The following COL11A1 variants were observed in gnomAD, a reference collection of about 807,000 sequenced individuals.
COL11A1 encodes collagen alpha-1(XI) chain.
Under a neutral mutation model 265.2 loss-of-function variants are expected in COL11A1, and 74 were observed. The observed-to-expected ratio is 0.28, with a 90% CI of 0.23 to 0.34. The LOEUF (loss-of-function observed/expected upper bound fraction) is 0.34, where lower values mean the gene tolerates loss of function less well. Among genes scored for constraint, COL11A1 ranks in the 10% least tolerant of loss-of-function variants. The pLI, the probability that COL11A1 is intolerant of heterozygous loss-of-function variation, is 1.00. For synonymous variants in COL11A1, 816 were observed against 727.6 expected (o/e 1.12, Z -1.96); for missense variants, 2,165 against 2,263.6 (o/e 0.96, Z 0.88).
chr1:103,054,714 C>T (rs746930359), intron 4 of COL11A1, among the ~76,000 whole-genome samples: 1 of 151,948 alleles, frequency 6.6e-6, no homozygotes, highest in Non-Finnish European at 1.5e-5. Flanking sequence ...CCAGCCTCGC[C>T]AACGTGGTAA....
intron 54 of COL11A1, among the ~76,000 whole-genome samples, chr1:102,904,622 A>C (rs1238984931): frequency 2.0e-5 from 3 of 151,968 alleles, no homozygotes; most frequent in South Asian, 2.1e-4. Context: ...ACACATGAAA[A>C]AATGCTCATC....
Position 103,028,870 on chromosome 1 carries a change from CAT to C in COL11A1, c.780+2244_780+2245del, listed in dbSNP as rs1451411481. On this transcript the variant is annotated intron_variant, in intron 5 of 66. Coordinates refer to ENST00000370096, the MANE Select transcript of COL11A1 (RefSeq NM_001854.4). ...TTTAAGAAAGAATATCAAAAGGAAT[CAT>C]ATAGATTTAACATCTAATTTTTTAT... 3.3e-5 allele frequency among the ~76,000 whole-genome samples: 5 copies of C among 152,042 alleles called. No individual in the cohort carries two copies. In the East Asian group the frequency reaches 7.7e-4, roughly 23 times the overall value.
At chr1:102,919,616 T>C (rs1354231931) in intron 49 of COL11A1, among the ~76,000 whole-genome samples, 1 of 152,034 alleles carries the variant, frequency 6.6e-6, no homozygotes, top group Non-Finnish European at 1.5e-5. Flanking sequence ...ATATCCATGA[T>C]AATTTTCTTG....
chr1:103,017,711 A>G (rs1286306474), intron 11 of COL11A1, 109 bp downstream of exon 11: 1 of 923,548 alleles, frequency 1.1e-6, no homozygotes, highest in African/African-American at 1.6e-5. Flanking sequence ...TGCTGCCTTT[A>G]CCCCTCCCAC....
chr1:102,945,482 A>G lies in COL11A1; in HGVS notation c.3276+1367T>C, dbSNP rs566659049. On this transcript the variant is annotated intron_variant, in intron 42 of 66. Transcript: ENST00000370096. ...CAAACAGAAATATTGGAATAATATC[A>G]CAGAATAATCAGAGAAAATGCATAG... Among the ~76,000 whole-genome samples, 3 of 152,328 alleles carry G rather than the reference A, an allele frequency of 2.0e-5. No individual in the cohort carries two copies. The South Asian group carries it at 6.2e-4, about 32-fold the overall frequency.
At position 102,878,151 on chromosome 1, in the gene COL11A1, A is replaced by G. The variant is rs1162497624; in HGVS notation, c.5289T>C (p.Tyr1763=). Residue 1763 remains tyrosine (Y), a synonymous_variant, in exon 67 of 67, where the codon TAT becomes TAC. Transcript: ENST00000370096. The part of the protein sequence containing the change: ...LYDGCASRKG[Y]EKTVIEINTP... ...TATTGATTTCAATGACAGTCTTTTCATAGCCTTTTCTGGACTGTAAAATAA... is the reference window on the plus strand; with the variant it reads ...TATTGATTTCAATGACAGTCTTTTCGTAGCCTTTTCTGGACTGTAAAATAA... 2 of 1,612,358 alleles carry G rather than the reference A, an allele frequency of 1.2e-6. No individual in the cohort carries two copies. Among genetic ancestry groups the G allele is most frequent in the East Asian group, 2.2e-5 (1 of 44,808 alleles).
At chr1:103,012,534 G>A in intron 13 of COL11A1, 65 bp from the exon 14 acceptor site, 2 of 1,212,046 alleles carry the variant, frequency 1.7e-6, no homozygotes, top group East Asian at 2.4e-5. Flanking sequence ...AGTACAATAT[G>A]AATCTGCACA....
At chr1:103,001,875 C>T in intron 24 of COL11A1, 50 bp downstream of exon 24, 8 of 1,575,190 alleles carry the variant, frequency 5.1e-6, no homozygotes, top group Non-Finnish European at 7.0e-6. Context: ...CCTAAGATTG[C>T]TAAAACAAAC....
In COL11A1 at chr1:102,978,601, G is replaced by A. The variant is rs1438643022; in HGVS notation, c.2754+107C>T. 2.7e-5 allele frequency: 32 copies of A among 1,176,524 alleles called. No individual in the cohort carries two copies. The East Asian group carries it at 7.2e-4, about 27-fold the overall frequency. The allele number at this position is 1,176,524 out of a possible 1,614,324, so 72.9% of individuals were successfully genotyped here. A position where few individuals can be genotyped will look rare whatever the true frequency, so the allele number is the denominator to read the frequency against. On this transcript the variant is annotated intron_variant, in intron 35 of 66. Transcript: ENST00000370096. The stretch of plus-strand genomic sequence containing the variant: ...TTTTTAAATTCAGACTAGATTTTGT[G>A]GATAGACATGCACATGTATTAGCAG...
intron 62 of COL11A1, among the ~76,000 whole-genome samples, chr1:102,888,278 T>C (rs959770336): frequency 6.6e-6 from 1 of 152,144 alleles, no homozygotes; most frequent in Non-Finnish European, 1.5e-5. Context: ...TAAAAATGTA[T>C]CTTTACGGCA....
chr1:102,996,035 G>T lies in COL11A1; in HGVS notation c.2249C>A (p.Pro750His), dbSNP rs1389530844. The T allele has an allele frequency of 1.2e-6, 2 of 1,613,196 alleles. No individual in the cohort carries two copies. The highest frequency in any genetic ancestry group is 1.7e-6 in the Non-Finnish European group (2 of 1,179,418). ...GTATCCAATAGGACCTTGTGGACCA[G>T]GGGGACCCTGAAATAGATGAATTAC... ...QSGEKGALGP[P>H]GPQGPIGYPG... The change falls in exon 27 of 67, where the codon CCT (proline) becomes CAT (histidine). Residue 750 changes from proline (P) to histidine (H), a missense_variant. Coordinates refer to ENST00000370096, the MANE Select transcript of COL11A1 (RefSeq NM_001854.4).
intron 41 of COL11A1, among the ~76,000 whole-genome samples, chr1:102,954,662 T>C (rs1381137352): frequency 6.6e-6 from 1 of 151,924 alleles, no homozygotes. Flanking sequence ...CTGGCCAATA[T>C]AGTGAAACCC....
chr1:102,879,663 C>G lies in COL11A1; in HGVS notation c.5274+20G>C. The G allele has an allele frequency of 1.2e-6, 2 of 1,603,162 alleles. No homozygotes were observed. The highest frequency in any genetic ancestry group is 1.7e-6 in the Non-Finnish European group (2 of 1,171,248). On this transcript the variant is annotated intron_variant, in intron 66 of 66. Transcript: ENST00000370096. ...TGCCTATCATCTCTGTGAAGGGAGA[C>G]AAGCAGAACTTATACTCACCGCACA...
At chr1:102,882,753 G>T (rs186943479) in intron 64 of COL11A1, among the ~76,000 whole-genome samples, 6 of 152,250 alleles carry the variant, frequency 3.9e-5, no homozygotes, top group South Asian at 2.1e-4. Flanking sequence ...AAAAATTAAA[G>T]AATTTGTTTA....
At chr1:103,000,277 A>C (rs1257367055) in intron 24 of COL11A1, among the ~76,000 whole-genome samples, 2 of 151,918 alleles carry the variant, frequency 1.3e-5, no homozygotes, top group African/African-American at 4.8e-5. Flanking sequence ...TAAATATTAA[A>C]AATAACCTTT....
chr1:103,054,840 G>A (rs1325400664), intron 4 of COL11A1, among the ~76,000 whole-genome samples: 1 of 152,124 alleles, frequency 6.6e-6, no homozygotes, highest in Non-Finnish European at 1.5e-5. Flanking sequence ...GGCAGAGGTT[G>A]CAGTGAGCCA....
intron 24 of COL11A1, 79 bp from the exon 25 acceptor site, chr1:102,998,442 A>C: frequency 6.1e-6 from 6 of 977,852 alleles, no homozygotes; most frequent in Non-Finnish European, 8.8e-6. Flanking sequence ...TATGAATGAA[A>C]TTCTTATCCT....
At chr1:102,953,035 C>T (rs533813677) in intron 41 of COL11A1, among the ~76,000 whole-genome samples, 2 of 152,150 alleles carry the variant, frequency 1.3e-5, no homozygotes, top group African/African-American at 4.8e-5. Flanking sequence ...AGGAAGCAGC[C>T]CTTGAGAAAC....
intron 38 of COL11A1, among the ~76,000 whole-genome samples, chr1:102,963,698 C>T (rs931916056): frequency 1.3e-5 from 2 of 151,960 alleles, no homozygotes; most frequent in Non-Finnish European, 1.5e-5. Context: ...TTTGGGTATA[C>T]ATTTCTAGGT....
Sources: allele counts gnomAD v4.1 joint callset (sites outside exome capture counted in the v4.1 genomes callset), GRCh38; gene constraint gnomAD v4.1.1; transcripts MANE v1.5; gene names NCBI Gene and HGNC (gene_info 2026-07-23, HGNC 2026-07-21).